CUL1: variants seen among roughly 807,000 people sequenced by gnomAD.
CUL1 encodes the protein cullin 1.
A neutral mutation model predicts 118.0 loss-of-function variants in CUL1; 24 were observed. That is an observed-to-expected ratio of 0.20 (90% CI 0.15 to 0.29). The LOEUF is 0.29. CUL1 is among the 10% of genes least tolerant of loss of function. The pLI is 1.00. For missense variants in CUL1, 361 were observed against 933.8 expected (o/e 0.39, Z 7.99); for synonymous variants, 332 against 340.4 (o/e 0.98, Z 0.27).
At chr7:148,704,385 A>G (rs147145882) in intron 1 of CUL1, among the ~76,000 whole-genome samples, 1 of 152,294 alleles carries the variant, frequency 6.6e-6, no homozygotes, top group Admixed American at 6.5e-5. Context: ...GTAATTTAAT[A>G]TGATTTTTTG....
Position 148,800,645 on chromosome 7 carries a change from A to G in CUL1, c.*63A>G. 7.3e-7 allele frequency: 1 copy of G among 1,366,930 alleles called. No individual in the cohort carries two copies. The highest frequency in any genetic ancestry group is 1.0e-6 in the Non-Finnish European group (1 of 966,522). 84.7% of individuals were successfully genotyped at this position (1,366,930 alleles called of 1,614,324 possible). The stretch of plus-strand genomic sequence containing the variant: ...ATAGTTCATGTTGGAAAGAATGAAA[A>G]CAACTCAAGTTCATAGCAGCCAGCC... On this transcript the variant is annotated 3_prime_UTR_variant, in exon 22 of 22. Transcript: ENST00000325222. This position sits in a 1 kb window ranked among gnomAD's most constrained non-coding sequence, Gnocchi z 4.6.
intron 1 of CUL1, among the ~76,000 whole-genome samples, chr7:148,729,739 T>C (rs1439791471): frequency 6.6e-6 from 1 of 152,228 alleles, no homozygotes; most frequent in East Asian, 1.9e-4. Flanking sequence ...GTGCAAACTT[T>C]TACCCAGGTT....
rs1332144926 is a variant in CUL1, at chr7:148,787,130, A to G, written c.1479+10A>G. 2 of 1,612,200 alleles carry G rather than the reference A, an allele frequency of 1.2e-6. No homozygotes were observed. The highest frequency in any genetic ancestry group is 4.5e-5 in the East Asian group (2 of 44,842). ...GATCTCCAAGTTAAAGGTGAGTTTC[A>G]TCTTTTCCTGAAAAATCCCAGCTTC... is the stretch of plus-strand genomic sequence containing the variant. On this transcript the variant is annotated intron_variant, in intron 13 of 21. Transcript: ENST00000325222. The surrounding 1 kb of genome is among the most constrained non-coding windows in gnomAD (Gnocchi z 5.5).
chr7:148,795,920 A>G (rs1360962594), intron 17 of CUL1, among the ~76,000 whole-genome samples: 1 of 152,144 alleles, frequency 6.6e-6, no homozygotes, highest in Non-Finnish European at 1.5e-5. Context: ...CATATCATCT[A>G]TAAATACAGG....
At chr7:148,725,779 A>C (rs530409932) in intron 1 of CUL1, among the ~76,000 whole-genome samples, 1 of 152,328 alleles carries the variant, frequency 6.6e-6, no homozygotes, top group East Asian at 1.9e-4. Flanking sequence ...TTGCTGTATT[A>C]GTTATTAATG....
chr7:148,727,156 A>ACGAATCCT (rs1407239618), intron 1 of CUL1, among the ~76,000 whole-genome samples: 2 of 152,242 alleles, frequency 1.3e-5, no homozygotes, highest in Non-Finnish European at 2.9e-5. Flanking sequence ...GTTAAAACTA[A>ACGAATCCT]GTAGTCACTA....
At chr7:148,792,321 T>C (rs1003606845) in intron 16 of CUL1, among the ~76,000 whole-genome samples, 1 of 152,350 alleles carries the variant, frequency 6.6e-6, no homozygotes, top group Admixed American at 6.5e-5. Context: ...ACATCAATAA[T>C]GTGCCAAAAG....
At chr7:148,707,524 G>C (rs937961398) in intron 1 of CUL1, among the ~76,000 whole-genome samples, 1 of 151,766 alleles carries the variant, frequency 6.6e-6, no homozygotes, top group African/African-American at 2.4e-5. Flanking sequence ...TTAAGTTTCA[G>C]GGTACCACAG....
chr7:148,781,701 CGTGA>C (rs763883483), intron 9 of CUL1, among the ~76,000 whole-genome samples: 84 of 152,246 alleles, frequency 5.5e-4, no homozygotes, highest in Admixed American at 1.4e-3. Flanking sequence ...CAAGCAAGAG[CGTGA>C]GTAAGTTGAG....
At chr7:148,745,078 A>AATCTTT (rs1799268703) in intron 2 of CUL1, among the ~76,000 whole-genome samples, 18 of 151,354 alleles carry the variant, frequency 1.2e-4, no homozygotes, top group Non-Finnish European at 2.1e-4. Flanking sequence ...TCCTCTCAAG[A>AATCTTT]GTTGATCGTT....
chr7:148,799,691 A>G (rs113114978), intron 21 of CUL1, among the ~76,000 whole-genome samples: 1,490 of 145,470 alleles, frequency 0.01, 19 homozygotes, highest in African/African-American at 0.035. Context: ...CCTGTGTCCC[A>G]TAGAAAATCA....
intron 7 of CUL1, 76 bp downstream of exon 7, chr7:148,760,572 A>G (rs117370222): frequency 0.01 from 10,580 of 1,050,960 alleles, 119 homozygotes; most frequent in South Asian, 0.027. Context: ...TTTAGCATAT[A>G]CAGCTTTCTT....
chr7:148,731,604 T>A (rs370667159), intron 2 of CUL1, among the ~76,000 whole-genome samples: 2 of 152,024 alleles, frequency 1.3e-5, no homozygotes, highest in East Asian at 1.9e-4. Context: ...ATTTACAGAG[T>A]TTTGCACCTA....
chr7:148,789,631 TTTAA>T (rs1800940261), intron 14 of CUL1, 115 bp from the exon 15 acceptor site: 15 of 750,946 alleles, frequency 2.0e-5, no homozygotes, highest in South Asian at 5.4e-5. Context: ...AGGATTTTTA[TTTAA>T]TGTGCTTTTT....
chr7:148,757,913 C>G (rs1367286242), intron 4 of CUL1, among the ~76,000 whole-genome samples: 2 of 152,174 alleles, frequency 1.3e-5, no homozygotes, highest in Non-Finnish European at 2.9e-5. Context: ...GGGGAACCAC[C>G]CCCATGATTC....
chr7:148,800,602 C>G lies in CUL1; in HGVS notation c.*20C>G, dbSNP rs778474429. 12 of 1,560,004 alleles carry G rather than the reference C, an allele frequency of 7.7e-6. No individual in the cohort carries two copies. The South Asian group carries it at 1.3e-4, about 17-fold the overall frequency. ...GCTTAACCCTTCTGGAAGGGTCTGA[C>G]TGTGTGACCCGCAGCAAATAGTTCA... is the stretch of plus-strand genomic sequence containing the variant. On this transcript the variant is annotated 3_prime_UTR_variant, in exon 22 of 22. Coordinates refer to ENST00000325222, the MANE Select transcript of CUL1 (RefSeq NM_003592.3). This position sits in a 1 kb window ranked among gnomAD's most constrained non-coding sequence, Gnocchi z 4.6.
In CUL1 at chr7:148,800,442, A is replaced by C. The variant is rs1801349689; in HGVS notation, c.2251-60A>C. 5 of 1,377,238 alleles carry C rather than the reference A, an allele frequency of 3.6e-6. No individual in the cohort carries two copies. In the East Asian group the frequency reaches 1.1e-4, roughly 32 times the overall value. 85.3% of individuals were successfully genotyped at this position (1,377,238 alleles called of 1,614,324 possible). A position where few individuals can be genotyped will look rare whatever the true frequency, so the allele number is the denominator to read the frequency against. On this transcript the variant is annotated intron_variant, in intron 21 of 21. Coordinates refer to ENST00000325222, the MANE Select transcript of CUL1 (RefSeq NM_003592.3). The surrounding 1 kb of genome is among the most constrained non-coding windows in gnomAD (Gnocchi z 4.6). Reference sequence around the variant, plus strand: ...GTGGGGGCAGCCTCTCTCTGTTCTGATGATAATTTGTGTTTTTCTTCTCTT... The same window carrying C: ...GTGGGGGCAGCCTCTCTCTGTTCTGCTGATAATTTGTGTTTTTCTTCTCTT...
chr7:148,788,134 C>G (rs1800882519), intron 13 of CUL1, among the ~76,000 whole-genome samples: 1 of 152,146 alleles, frequency 6.6e-6, no homozygotes, highest in Non-Finnish European at 1.5e-5. Flanking sequence ...GCACACCAAT[C>G]CCATTGTGAG....
intron 4 of CUL1, 104 bp from the exon 5 acceptor site, chr7:148,759,200 T>C: frequency 8.6e-7 from 1 of 1,158,850 alleles, no homozygotes; most frequent in Non-Finnish European, 1.3e-6. Flanking sequence ...ACTTGTAATC[T>C]AGAAATTTTG....
Sources: allele counts gnomAD v4.1 joint callset (sites outside exome capture counted in the v4.1 genomes callset), GRCh38; gene constraint gnomAD v4.1.1; non-coding constraint Gnocchi (gnomAD v3.1); transcripts MANE v1.5; gene names NCBI Gene and HGNC (gene_info 2026-07-23, HGNC 2026-07-21).